Variants in INO80C observed in about 807,000 individuals in gnomAD.
The protein encoded by INO80C is INO80 complex subunit C, also known as IES6 homolog.
In INO80C, 17 loss-of-function variants were observed where a neutral mutation model predicts 17.7. The ratio of observed to expected loss-of-function variants is 0.96; its 90% CI spans 0.66 to 1.44. The LOEUF (loss-of-function observed/expected upper bound fraction) is 1.44, where lower values mean the gene tolerates loss of function less well. Ranked by LOEUF, INO80C falls within the 40% of genes most tolerant of loss-of-function variation. The pLI is 0.00. For missense variants in INO80C, 244 were observed against 245.0 expected (o/e 1.00, Z 0.03); for synonymous variants, 96 against 95.8 (o/e 1.00, Z -0.01).
At chr18:35,484,333 A>G (rs538774023) in intron 1 of INO80C, among the ~76,000 whole-genome samples, 1 of 152,312 alleles carries the variant, frequency 6.6e-6, no homozygotes, top group East Asian at 1.9e-4. Flanking sequence ...AAATACATAG[A>G]GAGGTGTGGG....
At chr18:35,485,138 A>G (rs946124417) in intron 1 of INO80C, among the ~76,000 whole-genome samples, 1 of 151,982 alleles carries the variant, frequency 6.6e-6, no homozygotes, top group African/African-American at 2.4e-5. Flanking sequence ...TGAAGTCCCT[A>G]TCTCCAGAAT....
Position 35,497,753 on chromosome 18 carries a change from T to A in INO80C, c.122A>T (p.Lys41Met). The part of the protein sequence containing the change: ...GSSGGGYGAS[K>M]KKKASASSFA... The stretch of plus-strand genomic sequence containing the variant: ...GCTGGAAGCGGACGCTTTTTTCTTC[T>A]TACTGGCGCCATAGCCCCCGCCGCT... Residue 41 changes from lysine to methionine, a missense_variant, in exon 1 of 5, where the codon AAG becomes ATG. Coordinates refer to ENST00000334598, the MANE Select transcript of INO80C (RefSeq NM_194281.4). 6.2e-7 allele frequency: 1 copy of A among 1,612,988 alleles called. No individual in the cohort carries two copies. Among genetic ancestry groups the A allele is most frequent in the Non-Finnish European group, 8.5e-7 (1 of 1,179,542 alleles).
At chr18:35,480,702 T>A in intron 1 of INO80C, 139 bp from the exon 2 acceptor site, 1 of 675,138 alleles carries the variant, frequency 1.5e-6, no homozygotes, top group Non-Finnish European at 2.6e-6. Context: ...GCAGGCAGCC[T>A]GCCCTAGGGG....
chr18:35,497,628 C>A (rs1294372925), intron 1 of INO80C, 91 bp downstream of exon 1: 8 of 1,497,430 alleles, frequency 5.3e-6, no homozygotes, highest in African/African-American at 4.3e-5. Context: ...ACGCGCAGCG[C>A]CCCACATTAC....
At chr18:35,471,817 A>G (rs1346190894) in intron 4 of INO80C, among the ~76,000 whole-genome samples, 1 of 36,000 alleles carries the variant, frequency 2.8e-5, no homozygotes, top group African/African-American at 7.1e-5. Context: ...ATGTGTTCTC[A>G]TTGTTCAATT....
At chr18:35,495,429 G>T (rs1401434277) in intron 1 of INO80C, among the ~76,000 whole-genome samples, 1 of 152,190 alleles carries the variant, frequency 6.6e-6, no homozygotes, top group Non-Finnish European at 1.5e-5. Flanking sequence ...GTAAATATCA[G>T]TTGGGAAAAG....
intron 4 of INO80C, among the ~76,000 whole-genome samples, chr18:35,477,437 A>G (rs186535718): frequency 1.3e-5 from 2 of 152,370 alleles, no homozygotes; most frequent in Admixed American, 1.3e-4. Flanking sequence ...AATTTGTTAG[A>G]TAAGTTGGAG....
In INO80C at chr18:35,497,958, G is replaced by T. The variant is rs1439165436; in HGVS notation, c.-84C>A. The stretch of plus-strand genomic sequence containing the variant: ...TCCTTTCCGCTGTTACTTCCGTCTT[G>T]ATGCTTGAAAACCCGGCCTGGACTC... On this transcript the variant is annotated 5_prime_UTR_variant, in exon 1 of 5. Transcript: ENST00000334598. 2 of 1,389,252 alleles carry T rather than the reference G, an allele frequency of 1.4e-6. No homozygotes were observed. Among genetic ancestry groups the T allele is most frequent in the Non-Finnish European group, 1.9e-6 (2 of 1,052,556 alleles). The allele number at this position is 1,389,252 out of a possible 1,614,324, so 86.1% of individuals were successfully genotyped here.
intron 1 of INO80C, chr18:35,487,638 T>G (rs2045890813): frequency 6.2e-6 from 1 of 162,498 alleles, no homozygotes; most frequent in Non-Finnish European, 1.4e-5. Flanking sequence ...AGATGAGATT[T>G]GGGTGAGGGC....
chr18:35,486,976 A>G (rs1403812213), intron 1 of INO80C, among the ~76,000 whole-genome samples: 1 of 152,180 alleles, frequency 6.6e-6, no homozygotes, highest in Non-Finnish European at 1.5e-5. Flanking sequence ...AATGGATATT[A>G]AAAGTCACTG....
chr18:35,488,561 G>T (rs555218972), intron 1 of INO80C, among the ~76,000 whole-genome samples: 6 of 152,262 alleles, frequency 3.9e-5, no homozygotes, highest in African/African-American at 1.2e-4. Context: ...ACAGCAGAGG[G>T]GTCCCTGGGT....
intron 1 of INO80C, among the ~76,000 whole-genome samples, chr18:35,489,778 A>T (rs1339435543): frequency 6.6e-6 from 1 of 152,116 alleles, no homozygotes; most frequent in Non-Finnish European, 1.5e-5. Context: ...AACTTCCTGA[A>T]TTTGATAAAA....
intron 4 of INO80C, among the ~76,000 whole-genome samples, chr18:35,477,177 G>A (rs12957368): frequency 0.093 from 14,162 of 152,288 alleles, 702 homozygotes; most frequent in African/African-American, 0.13. Context: ...CCAGGAGGTA[G>A]AGGCTGGAGT....
intron 1 of INO80C, among the ~76,000 whole-genome samples, chr18:35,487,112 C>A (rs561448254): frequency 5.6e-4 from 86 of 152,298 alleles, no homozygotes; most frequent in African/African-American, 2.0e-3. Context: ...TTACTAAGTG[C>A]TCAAATCTAA....
Position 35,493,299 on chromosome 18 carries a change from A to G in INO80C, c.156+4420T>C, listed in dbSNP as rs371186297. ...CACTTTAACAGTTATCTGTTCCCCA[A>G]CCCACCAAAATTAATCCCTTCAAAG... is the stretch of plus-strand genomic sequence containing the variant. On this transcript the variant is annotated intron_variant, in intron 1 of 4. Coordinates refer to ENST00000334598, the MANE Select transcript of INO80C (RefSeq NM_194281.4). 3.9e-5 allele frequency among the ~76,000 whole-genome samples: 6 copies of G among 152,338 alleles called. No homozygotes were observed. The East Asian group carries it at 7.7e-4, about 20-fold the overall frequency.
intron 1 of INO80C, among the ~76,000 whole-genome samples, chr18:35,491,819 C>G (rs2045935708): frequency 6.6e-6 from 1 of 152,170 alleles, no homozygotes; most frequent in African/African-American, 2.4e-5. Flanking sequence ...CTGTCCCGCC[C>G]CAAGATATGA....
At chr18:35,478,376 C>G in intron 3 of INO80C, 27 bp from the exon 4 acceptor site, 2 of 1,306,530 alleles carry the variant, frequency 1.5e-6, no homozygotes, top group African/African-American at 1.5e-5. Flanking sequence ...AAAAAGATAA[C>G]TAAACTGAAC....
intron 1 of INO80C, among the ~76,000 whole-genome samples, chr18:35,490,689 C>T (rs938515101): frequency 6.6e-6 from 1 of 152,184 alleles, no homozygotes; most frequent in Non-Finnish European, 1.5e-5. Context: ...GGGTCCTATC[C>T]TCAGGCAGTG....
At chr18:35,493,972 A>G (rs1442455285) in intron 1 of INO80C, among the ~76,000 whole-genome samples, 1 of 152,214 alleles carries the variant, frequency 6.6e-6, no homozygotes, top group African/African-American at 2.4e-5. Context: ...CTTCCCCACT[A>G]AGGGAACCTT....
Sources: gnomAD v4.1 joint callset for allele counts (sites outside exome capture counted in the v4.1 genomes callset) on GRCh38, gnomAD v4.1.1 for gene constraint, MANE v1.5 for transcripts, NCBI Gene and HGNC (gene_info 2026-07-23, HGNC 2026-07-21) for gene names.